The following CALCRL variants were observed in gnomAD, a reference collection of about 807,000 sequenced individuals.
CALCRL encodes calcitonin gene-related peptide type 1 receptor.
In CALCRL, 27 loss-of-function variants were observed where a neutral mutation model predicts 60.4. The observed-to-expected ratio is 0.45, with a 90% confidence interval of 0.33 to 0.62. The LOEUF (loss-of-function observed/expected upper bound fraction) is 0.62, where lower values mean the gene tolerates loss of function less well. CALCRL is among the 20% of genes least tolerant of loss of function. CALCRL has a pLI of 0.03. For synonymous variants in CALCRL, 190 were observed against 182.6 expected (o/e 1.04, Z -0.33); for missense variants, 424 against 540.7 (o/e 0.78, Z 2.14).
chr2:187,348,888 A>G (rs954932863), intron 14 of CALCRL, among the ~76,000 whole-genome samples: 1 of 151,674 alleles, frequency 6.6e-6, no homozygotes, highest in Non-Finnish European at 1.5e-5. Context: ...TTGTAAGGGA[A>G]GATAGCTGGG....
At chr2:187,399,741 G>T (rs544911696) in intron 1 of CALCRL, among the ~76,000 whole-genome samples, 1 of 151,562 alleles carries the variant, frequency 6.6e-6, no homozygotes, top group African/African-American at 2.4e-5. Context: ...AGAAAATATG[G>T]TATAGACACA....
rs151071176 is a variant in CALCRL at position 187,397,741 on chromosome 2, T to C, written c.-292-9985A>G. Among the ~76,000 whole-genome samples the C allele has an allele frequency of 1.3e-4, 19 of 151,768 alleles. No individual in the cohort carries two copies. In the East Asian group the frequency reaches 3.7e-3, roughly 29 times the overall value. ...CACCAAAGTTTATTATTCCACACTC[T>C]ATGTCTTTGTGTGTACATTGTTTAG... On this transcript the variant is annotated intron_variant, in intron 1 of 14. Transcript: ENST00000392370.
At chr2:187,373,890 G>A (rs1053982462) in intron 8 of CALCRL, among the ~76,000 whole-genome samples, 5 of 152,226 alleles carry the variant, frequency 3.3e-5, no homozygotes, top group South Asian at 4.1e-4. Flanking sequence ...GCTGGGCACA[G>A]TGGCTCATGC....
chr2:187,373,704 C>T (rs1029674790), intron 8 of CALCRL, among the ~76,000 whole-genome samples: 5 of 152,214 alleles, frequency 3.3e-5, no homozygotes, highest in Admixed American at 6.5e-5. Flanking sequence ...ACTGATAACA[C>T]TGCCATTATC....
At chr2:187,381,108 C>T (rs1229033391) in intron 5 of CALCRL, among the ~76,000 whole-genome samples, 2 of 152,000 alleles carry the variant, frequency 1.3e-5, no homozygotes, top group Non-Finnish European at 2.9e-5. Context: ...TAGTGATTAG[C>T]GTCCCTATGC....
chr2:187,435,734 C>T (rs778587828), intron 1 of CALCRL, among the ~76,000 whole-genome samples: 2 of 151,774 alleles, frequency 1.3e-5, no homozygotes, highest in Non-Finnish European at 2.9e-5. Flanking sequence ...CAGTACTGAT[C>T]CTATTTGAAA....
At chr2:187,380,223 A>G (rs888493266) in intron 7 of CALCRL, among the ~76,000 whole-genome samples, 1 of 152,196 alleles carries the variant, frequency 6.6e-6, no homozygotes, top group African/African-American at 2.4e-5. Flanking sequence ...TGAAACCCCA[A>G]TACTGAAACA....
chr2:187,447,798 G>T lies in CALCRL; in HGVS notation c.-293+241C>A, dbSNP rs1273097103. Reference sequence around the variant, plus strand: ...AGAAATATGTCTTTTAATCCATTTAGATTTTTAATACTTGCTAAATTTATT... The same window carrying T: ...AGAAATATGTCTTTTAATCCATTTATATTTTTAATACTTGCTAAATTTATT... On this transcript the variant is annotated intron_variant, in intron 1 of 14. Coordinates refer to ENST00000392370, the MANE Select transcript of CALCRL (RefSeq NM_005795.6). 2.6e-5 allele frequency among the ~76,000 whole-genome samples: 4 copies of T among 151,906 alleles called. No homozygotes were observed. In the East Asian group the frequency reaches 5.8e-4, roughly 22 times the overall value.
intron 1 of CALCRL, among the ~76,000 whole-genome samples, chr2:187,394,987 A>G (rs2105810160): frequency 6.6e-6 from 1 of 152,204 alleles, no homozygotes; most frequent in Admixed American, 6.6e-5. Context: ...TAAGTGTTAA[A>G]TTACATGCTA....
intron 7 of CALCRL, among the ~76,000 whole-genome samples, chr2:187,379,313 C>T (rs1267114829): frequency 1.3e-5 from 2 of 151,720 alleles, no homozygotes; most frequent in Non-Finnish European, 2.9e-5. Flanking sequence ...ATCTATGAGG[C>T]AAAACTTTTA....
chr2:187,383,104 T>G, intron 5 of CALCRL, 69 bp downstream of exon 5: 4 of 1,460,238 alleles, frequency 2.7e-6, no homozygotes, highest in Non-Finnish European at 3.7e-6. Flanking sequence ...GCACTTATAA[T>G]GATATAATGG....
At chr2:187,438,438 CCAAA>C (rs1169076481) in intron 1 of CALCRL, among the ~76,000 whole-genome samples, 2 of 152,068 alleles carry the variant, frequency 1.3e-5, no homozygotes, top group Non-Finnish European at 2.9e-5. Context: ...TGTCTGTTTA[CCAAA>C]CAGACGTAAA....
intron 1 of CALCRL, among the ~76,000 whole-genome samples, chr2:187,435,736 T>C (rs1257328236): frequency 1.3e-5 from 2 of 152,154 alleles, no homozygotes; most frequent in Non-Finnish European, 2.9e-5. Flanking sequence ...GTACTGATCC[T>C]ATTTGAAAGT....
intron 1 of CALCRL, among the ~76,000 whole-genome samples, chr2:187,420,967 G>T (rs927407737): frequency 6.6e-6 from 1 of 152,118 alleles, no homozygotes; most frequent in Non-Finnish European, 1.5e-5. Context: ...TTATATCATG[G>T]CTGATTTACA....
In CALCRL at chr2:187,385,560, G is replaced by A. The variant is rs765871793; in HGVS notation, c.36C>T (p.Leu12=). Residue 12 remains leucine (L), a synonymous_variant, in exon 4 of 15, where the codon CTC becomes CTT. Coordinates refer to ENST00000392370, the MANE Select transcript of CALCRL (RefSeq NM_005795.6). ...TTATGCTTACCATAAAAAAAGGCAA[G>A]AGAACCAGAAAATACAGGGTACACT... ...EKKCTLYFLV[L]LPFFMILVTA... is the part of the protein sequence containing the mutation. 1 of 1,537,604 alleles carries A rather than the reference G, an allele frequency of 6.5e-7. No individual in the cohort carries two copies. Among genetic ancestry groups the A allele is most frequent in the South Asian group, 1.1e-5 (1 of 86,996 alleles).
intron 1 of CALCRL, among the ~76,000 whole-genome samples, chr2:187,440,645 C>A (rs1018847905): frequency 6.6e-6 from 1 of 152,102 alleles, no homozygotes; most frequent in Non-Finnish European, 1.5e-5. Context: ...TGGAAAATTA[C>A]ACATTTAATG....
intron 1 of CALCRL, among the ~76,000 whole-genome samples, chr2:187,390,340 A>T (rs987847656): frequency 9.9e-5 from 15 of 152,158 alleles, no homozygotes; most frequent in Admixed American, 6.6e-5. Context: ...CAATGTAAAT[A>T]AATATTATTC....
At chr2:187,443,307 G>A (rs115679082) in intron 1 of CALCRL, among the ~76,000 whole-genome samples, 1,595 of 151,872 alleles carry the variant, frequency 0.011, 24 homozygotes, top group African/African-American at 0.037. Flanking sequence ...ATTCACAACA[G>A]ACTTAAGGTG....
chr2:187,406,162 C>G (rs1215682689), intron 1 of CALCRL, among the ~76,000 whole-genome samples: 1 of 136,120 alleles, frequency 7.3e-6, no homozygotes, highest in East Asian at 2.2e-4. Context: ...CCAACCAACA[C>G]AAAACAAACC....
Sources: gnomAD v4.1 joint callset for allele counts (sites outside exome capture counted in the v4.1 genomes callset) on GRCh38, gnomAD v4.1.1 for gene constraint, MANE v1.5 for transcripts, NCBI Gene and HGNC (gene_info 2026-07-23, HGNC 2026-07-21) for gene names.